Variants in TNK2 observed in about 807,000 individuals in gnomAD.
TNK2 encodes the protein activated CDC42 kinase 1.
Under a neutral mutation model 101.8 loss-of-function variants are expected in TNK2, and 83 were observed. That is an observed-to-expected ratio of 0.82 (90% CI 0.68 to 0.98). TNK2 has a LOEUF of 0.98. Among genes scored for constraint, TNK2 ranks in the 50% least tolerant of loss-of-function variants. The probability of loss-of-function intolerance (pLI) is 0.00; values close to 1 mark genes in which losing one functional copy is unlikely to be tolerated. For synonymous variants in TNK2, 804 were observed against 633.0 expected, an observed-to-expected ratio of 1.27 and a Z score of -4.06; for missense variants, 1,665 against 1,483.2, an observed-to-expected ratio of 1.12 and a Z score of -2.01.
intron 6 of TNK2, among the ~76,000 whole-genome samples, chr3:195,881,652 G>A (rs1016475509): frequency 2.2e-5 from 1 of 45,148 alleles, no homozygotes; most frequent in Non-Finnish European, 4.0e-5. Context: ...CCCCAGCAAC[G>A]CCCTTTGGAG....
chr3:195,871,706 C>G (rs956616355), intron 10 of TNK2, among the ~76,000 whole-genome samples: 1 of 152,208 alleles, frequency 6.6e-6, no homozygotes, highest in South Asian at 2.1e-4. Flanking sequence ...AAGCTCCTGA[C>G]CCTACTTTCA....
chr3:195,898,421 A>G (rs1760869222), intron 1 of TNK2, among the ~76,000 whole-genome samples: 1 of 152,190 alleles, frequency 6.6e-6, no homozygotes, highest in South Asian at 2.1e-4. Context: ...TGTCATGAAG[A>G]GTCCACCACG....
intron 11 of TNK2, chr3:195,869,878 C>T (rs572511707): frequency 4.6e-5 from 25 of 544,908 alleles, no homozygotes; most frequent in Middle Eastern, 4.8e-4. Context: ...GGAGGAGGGA[C>T]GCCGGGGCGG....
rs1490707097 is a variant in TNK2, at chr3:195,867,268, G to A, written c.2938-4C>T. 2 of 1,609,476 alleles carry A rather than the reference G, an allele frequency of 1.2e-6. No individual in the cohort carries two copies. Among genetic ancestry groups the A allele is most frequent in the South Asian group, 2.2e-5 (2 of 90,912 alleles). ...CCCCATGCACCATGGCCTGCAGCTG[G>A]GCACACCCACCCCTGTCAGCACCAC... On this transcript the variant is annotated splice_region_variant and splice_polypyrimidine_tract_variant and intron_variant, in intron 13 of 15. Transcript: ENST00000672887.
Position 195,869,508 on chromosome 3 carries a change from A to G in TNK2, c.1577T>C (p.Phe526Ser), listed in dbSNP as rs1193715984. Residue 526 changes from phenylalanine (F) to serine (S), a missense_variant, in exon 12 of 16, where the codon TTC becomes TCC. Transcript: ENST00000672887. ...EPPPRPPQPA[F>S]FTQKPTYDPV... ...GCAGCCCCACTTACTCTGAGTGAAG[A>G]AGGCAGGCTGAGGTGGGCGAGGTGG... 6.4e-7 allele frequency: 1 copy of G among 1,550,966 alleles called. No homozygotes were observed. Among genetic ancestry groups the G allele is most frequent in the South Asian group, 1.2e-5 (1 of 84,058 alleles).
intron 2 of TNK2, among the ~76,000 whole-genome samples, chr3:195,887,754 CGT>C (rs1756384323): frequency 1.3e-5 from 2 of 148,304 alleles, no homozygotes; most frequent in South Asian, 2.1e-4. Flanking sequence ...TGTGCACACG[CGT>C]GTGCGCACGT....
chr3:195,872,166 T>G, intron 10 of TNK2, 110 bp downstream of exon 10: 2 of 1,287,882 alleles, frequency 1.6e-6, no homozygotes, highest in East Asian at 2.6e-5. Flanking sequence ...GGTCGGGGGC[T>G]GAAGCCCGGG....
Position 195,888,569 on chromosome 3 carries a change from G to A in TNK2, c.20C>T (p.Thr7Ile), listed in dbSNP as rs1367479411. MQPEEGTGWLLELLSEV... is the reference protein window; with the variant it reads MQPEEGIGWLLELLSEV... ...GGACAGCAGCTCCAGCAGCCAGCCT[G>A]TGCCCTCCTCTGGCTGCATTCTGCC... is the stretch of plus-strand genomic sequence containing the variant. Residue 7 changes from threonine to isoleucine, a missense_variant, in exon 2 of 16, where the codon ACA becomes ATA. Coordinates refer to ENST00000672887, the MANE Select transcript of TNK2 (RefSeq NM_001382273.1). This position sits in a 1 kb window ranked among gnomAD's most constrained non-coding sequence, Gnocchi z 5.3. 5.6e-6 allele frequency: 9 copies of A among 1,612,098 alleles called. No individual in the cohort carries two copies. Among genetic ancestry groups the A allele is most frequent in the Non-Finnish European group, 6.8e-6 (8 of 1,179,794 alleles).
rs199680214 is a variant in TNK2, at chr3:195,868,220, C to G, written c.2078G>C (p.Arg693Pro). 1 of 1,606,178 alleles carries G rather than the reference C, an allele frequency of 6.2e-7. No homozygotes were observed. The highest frequency in any genetic ancestry group is 8.5e-7 in the Non-Finnish European group (1 of 1,179,058). Reference protein sequence around the residue: ...TNYAFVPEQARPPPPLEDNLF... With the variant: ...TNYAFVPEQAPPPPPLEDNLF... ...GTTGTCCTCCAGGGGAGGGGGCGGC[C>G]GCGCCTGCTCAGGCACAAAGGCGTA... Residue 693 changes from arginine (R) to proline (P), a missense_variant, in exon 13 of 16, where the codon CGG becomes CCG. Arg to Pro is a moderately radical substitution (Grantham distance 103). Around this residue, in one of 3 missense-constraint regions of TNK2, gnomAD observed 1,136 missense variants for 894.9 expected, o/e 1.27. Coordinates refer to ENST00000672887, the MANE Select transcript of TNK2 (RefSeq NM_001382273.1).
rs1026940231 is a variant in TNK2, at chr3:195,882,441, G to A, written c.610-113C>T. On this transcript the variant is annotated intron_variant, in intron 5 of 15. Transcript: ENST00000672887. This position sits in a 1 kb window ranked among gnomAD's most constrained non-coding sequence, Gnocchi z 4.2. ...AAGGCTTTCCAGAGCCAGGCTGCACGCACCTTCCTGGCCTGCTGTCTGGGG... is the reference window on the plus strand; with the variant it reads ...AAGGCTTTCCAGAGCCAGGCTGCACACACCTTCCTGGCCTGCTGTCTGGGG... The A allele has an allele frequency of 6.4e-6, 10 of 1,557,010 alleles. No individual in the cohort carries two copies. The highest frequency in any genetic ancestry group is 1.4e-5 in the African/African-American group (1 of 73,346).
At chr3:195,869,630 TAG>T in intron 11 of TNK2, 89 bp from the exon 12 acceptor site, 4 of 1,245,908 alleles carry the variant, frequency 3.2e-6, no homozygotes, top group South Asian at 1.3e-5. Flanking sequence ...GGGCAGAGTG[TAG>T]AGAGACGAAG....
In TNK2 at chr3:195,882,015, C is replaced by T. The variant is rs1753370406; in HGVS notation, c.887+36G>A. 1 of 1,587,446 alleles carries T rather than the reference C, an allele frequency of 6.3e-7. No homozygotes were observed. The highest frequency in any genetic ancestry group is 1.3e-5 in the African/African-American group (1 of 74,572). ...CCAGAAGCTTTGAGGCCTGGGTCTG[C>T]AGGGACTCTGTGAGCTGGCAGCACC... On this transcript the variant is annotated intron_variant, in intron 6 of 15. Transcript: ENST00000672887. The surrounding 1 kb of genome is among the most constrained non-coding windows in gnomAD (Gnocchi z 4.2).
intron 4 of TNK2, 183 bp downstream of exon 4, chr3:195,884,629 G>A (rs1282419400): frequency 1.7e-6 from 1 of 599,788 alleles, no homozygotes; most frequent in Non-Finnish European, 2.8e-6. Flanking sequence ...GGGCGACAGA[G>A]CGAGACTCCA....
Position 195,864,194 on chromosome 3 carries a change from A to G in TNK2, c.3162-7T>C, listed in dbSNP as rs1576965526. 1.2e-6 allele frequency: 2 copies of G among 1,613,780 alleles called. No homozygotes were observed. The highest frequency in any genetic ancestry group is 4.5e-5 in the East Asian group (2 of 44,882). On this transcript the variant is annotated splice_polypyrimidine_tract_variant and splice_region_variant and intron_variant, in intron 15 of 15. Coordinates refer to ENST00000672887, the MANE Select transcript of TNK2 (RefSeq NM_001382273.1). ...TCCAGACGCATCTCAGCGCCTAGAG[A>G]ATGGGAAACCACCAGCACAGTTAAA...
Position 195,879,190 on chromosome 3 carries a change from G to C in TNK2, c.888-15C>G, listed in dbSNP as rs776103802. 1 of 1,612,548 alleles carries C rather than the reference G, an allele frequency of 6.2e-7. No homozygotes were observed. ...CGGGGGCACACCTGGCAGAGGCAGG[G>C]GTCAAAGAGAAGCCCTCTCAAACAC... is the stretch of plus-strand genomic sequence containing the variant. On this transcript the variant is annotated splice_polypyrimidine_tract_variant and intron_variant, in intron 6 of 15. Coordinates refer to ENST00000672887, the MANE Select transcript of TNK2 (RefSeq NM_001382273.1).
Position 195,885,591 on chromosome 3 carries a change from T to C in TNK2, c.235-558A>G, listed in dbSNP as rs1240594697. ...TTAGTCTGAGGTTGAACCGTGAGTG[T>C]GTGTGTGGTTCAGATGAAGCTAGTC... On this transcript the variant is annotated intron_variant, in intron 3 of 15. Coordinates refer to ENST00000672887, the MANE Select transcript of TNK2 (RefSeq NM_001382273.1). This position sits in a 1 kb window ranked among gnomAD's most constrained non-coding sequence, Gnocchi z 4.7. 7.8e-7 allele frequency: 1 copy of C among 1,289,508 alleles called. No homozygotes were observed. The highest frequency in any genetic ancestry group is 1.2e-5 in the South Asian group (1 of 81,020). 79.9% of individuals were successfully genotyped at this position (1,289,508 alleles called of 1,614,324 possible).
At chr3:195,887,960 G>GCA (rs1560528960) in intron 2 of TNK2, among the ~76,000 whole-genome samples, 1 of 107,576 alleles carries the variant, frequency 9.3e-6, no homozygotes, top group East Asian at 2.2e-4. Flanking sequence ...GCCTGCGTGT[G>GCA]TGTGTGTGTG....
intron 1 of TNK2, among the ~76,000 whole-genome samples, chr3:195,905,954 A>G (rs1243140467): frequency 1.3e-5 from 2 of 152,246 alleles, no homozygotes; most frequent in Non-Finnish European, 2.9e-5. Context: ...TATCCAGAAT[A>G]TATCAAGAAC....
intron 9 of TNK2, chr3:195,872,913 T>G (rs894165764): frequency 5.8e-6 from 1 of 171,346 alleles, no homozygotes; most frequent in Admixed American, 5.7e-5. Flanking sequence ...TTGATTTCAC[T>G]CCTCGGCTGG....
Sources: gnomAD v4.1 joint callset for allele counts (sites outside exome capture counted in the v4.1 genomes callset) on GRCh38, gnomAD v4.1.1 for gene constraint, gnomAD v4.1.1 regional missense constraint, Gnocchi (gnomAD v3.1) non-coding constraint, MANE v1.5 for transcripts, NCBI Gene and HGNC (gene_info 2026-07-23, HGNC 2026-07-21) for gene names.